The following LNX1 variants were observed in gnomAD, a reference collection of about 807,000 sequenced individuals.
LNX1 encodes ligand of numb-protein X 1, also known as E3 ubiquitin-protein ligase LNX.
In LNX1, 54 loss-of-function variants were observed where a neutral mutation model predicts 68.4. That is an observed-to-expected ratio of 0.79 (90% CI 0.63 to 0.99). The LOEUF (loss-of-function observed/expected upper bound fraction) is 0.99, where lower values mean the gene tolerates loss of function less well. Among genes scored for constraint, LNX1 ranks in the 50% least tolerant of loss-of-function variants. LNX1 has a pLI of 0.00. For missense variants in LNX1, 906 were observed against 926.4 expected (o/e 0.98, Z 0.29); for synonymous variants, 336 against 350.0 (o/e 0.96, Z 0.45).
At chr4:53,551,931 CA>C (rs1729543984) in intron 2 of LNX1, among the ~76,000 whole-genome samples, 1 of 152,138 alleles carries the variant, frequency 6.6e-6, no homozygotes, top group South Asian at 2.1e-4. Context: ...ATTTAGGTTT[CA>C]AAATTGGAAT....
chr4:53,478,724 T>A lies in LNX1; in HGVS notation c.1504A>T (p.Thr502Ser). Residue 502 changes from threonine to serine, a missense_variant, in exon 8 of 11, where the codon ACT becomes TCT. By Grantham distance (58) the Thr-to-Ser change is moderately conservative. Transcript: ENST00000263925. ...NTPKPLHPTI[T>S]CHEKVVNIQK... ...ATATTTACCACCTTCTCATGACAAG[T>A]AATTGTAGGATGGAGGGGCTGAAGG... 1 of 1,613,874 alleles carries A rather than the reference T, an allele frequency of 6.2e-7. No individual in the cohort carries two copies. The highest frequency in any genetic ancestry group is 8.5e-7 in the Non-Finnish European group (1 of 1,179,860).
intron 2 of LNX1, among the ~76,000 whole-genome samples, chr4:53,528,151 A>G (rs1052943815): frequency 6.6e-6 from 1 of 152,170 alleles, no homozygotes; most frequent in African/African-American, 2.4e-5. Flanking sequence ...CCCTTTGAAA[A>G]CTGCTCTTTT....
chr4:53,539,933 G>T (rs1255780510), intron 2 of LNX1, among the ~76,000 whole-genome samples: 1 of 152,214 alleles, frequency 6.6e-6, no homozygotes, highest in Non-Finnish European at 1.5e-5. Context: ...GGGCATCCAT[G>T]GCAAAGGTTG....
At chr4:53,517,411 C>T (rs1356441035) in intron 2 of LNX1, among the ~76,000 whole-genome samples, 1 of 152,190 alleles carries the variant, frequency 6.6e-6, no homozygotes, top group East Asian at 1.9e-4. Context: ...TCCACTTGCA[C>T]TCCCTGAGCC....
chr4:53,628,724 C>G (rs981978086), intron 1 of LNX1, among the ~76,000 whole-genome samples: 1 of 151,962 alleles, frequency 6.6e-6, no homozygotes, highest in African/African-American at 2.4e-5. Context: ...TGGAACCAAC[C>G]TAAGTGCCCA....
intron 2 of LNX1, among the ~76,000 whole-genome samples, chr4:53,603,291 A>T (rs1015026998): frequency 1.3e-5 from 2 of 152,158 alleles, no homozygotes; most frequent in African/African-American, 4.8e-5. Flanking sequence ...TTCCTAGCTC[A>T]TGGGGAAACT....
intron 2 of LNX1, among the ~76,000 whole-genome samples, chr4:53,528,917 A>G (rs765729438): frequency 6.6e-6 from 1 of 152,140 alleles, no homozygotes; most frequent in Non-Finnish European, 1.5e-5. Flanking sequence ...GAGACCACAC[A>G]TGTCTGGTTG....
At chr4:53,620,746 G>GA (rs1415722238), upstream of LNX1, among the ~76,000 whole-genome samples, 2 of 151,532 alleles carry the variant, frequency 1.3e-5, no homozygotes, top group South Asian at 2.1e-4. Context: ...ATGTATGAAG[G>GA]AAAAAAAAGA....
At chr4:53,553,008 A>G (rs1378840661) in intron 2 of LNX1, among the ~76,000 whole-genome samples, 2 of 152,102 alleles carry the variant, frequency 1.3e-5, no homozygotes, top group Non-Finnish European at 2.9e-5. Flanking sequence ...GTAGAAACCA[A>G]CCAGGGTCTT....
chr4:53,537,773 G>A (rs1177201532), intron 2 of LNX1, among the ~76,000 whole-genome samples: 1 of 152,216 alleles, frequency 6.6e-6, no homozygotes, highest in African/African-American at 2.4e-5. Context: ...CTGTAATACA[G>A]TCAAGGAAGA....
At chr4:53,480,588 TA>T (rs1374297980) in intron 7 of LNX1, among the ~76,000 whole-genome samples, 2 of 152,202 alleles carry the variant, frequency 1.3e-5, no homozygotes, top group African/African-American at 4.8e-5. Context: ...TCCTTATCCA[TA>T]AAATGTTTTA....
chr4:53,484,035 G>C (rs1724126382), intron 6 of LNX1, among the ~76,000 whole-genome samples: 1 of 152,128 alleles, frequency 6.6e-6, no homozygotes, highest in Admixed American at 6.5e-5. Context: ...GAGGAATCTT[G>C]TTTGCCCCTC....
At chr4:53,618,506 T>C (rs1190205665), upstream of LNX1, among the ~76,000 whole-genome samples, 2 of 152,216 alleles carry the variant, frequency 1.3e-5, no homozygotes, top group Admixed American at 6.5e-5. Flanking sequence ...TGTTTACTTG[T>C]GCTGAGTCTT....
chr4:53,472,084 A>T (rs1723231157), intron 9 of LNX1, among the ~76,000 whole-genome samples: 2 of 152,318 alleles, frequency 1.3e-5, no homozygotes, highest in African/African-American at 4.8e-5. Flanking sequence ...CTTGGAACCA[A>T]CCCAAATTTC....
At chr4:53,522,195 T>C (rs1022940452) in intron 2 of LNX1, among the ~76,000 whole-genome samples, 2 of 152,080 alleles carry the variant, frequency 1.3e-5, no homozygotes, top group African/African-American at 4.8e-5. Flanking sequence ...ATCAAACCCA[T>C]CTCTACCACA....
chr4:53,483,715 TCAC>T (rs1024092499), intron 6 of LNX1, among the ~76,000 whole-genome samples: 4 of 152,226 alleles, frequency 2.6e-5, no homozygotes, highest in Non-Finnish European at 5.9e-5. Flanking sequence ...CCTTGCCCAC[TCAC>T]CACCACAACA....
chr4:53,511,047 G>A (rs1324590747), intron 2 of LNX1, among the ~76,000 whole-genome samples: 1 of 152,212 alleles, frequency 6.6e-6, no homozygotes, highest in Non-Finnish European at 1.5e-5. Context: ...ACCTCATAAG[G>A]TAGGTAAGTA....
chr4:53,515,745 TC>T (rs1328991948), intron 2 of LNX1, among the ~76,000 whole-genome samples: 1 of 151,914 alleles, frequency 6.6e-6, no homozygotes, highest in Non-Finnish European at 1.5e-5. Flanking sequence ...CATGGGAGGG[TC>T]TTCTAAGAAA....
At chr4:53,609,253 T>C (rs1390449671) in intron 2 of LNX1, among the ~76,000 whole-genome samples, 1 of 148,802 alleles carries the variant, frequency 6.7e-6, no homozygotes, top group Non-Finnish European at 1.5e-5. Context: ...TATGCACATG[T>C]ACCCCTGAAC....
Sources: gnomAD v4.1 joint callset for allele counts (sites outside exome capture counted in the v4.1 genomes callset) on GRCh38, gnomAD v4.1.1 for gene constraint, MANE v1.5 for transcripts, NCBI Gene and HGNC (gene_info 2026-07-23, HGNC 2026-07-21) for gene names.